The following PITPNM2 variants were observed in gnomAD, a reference collection of about 807,000 sequenced individuals.
PITPNM2 encodes phosphatidylinositol transfer protein membrane associated 2.
In PITPNM2, 35 loss-of-function variants were observed where a neutral mutation model predicts 132.2. The ratio of observed to expected loss-of-function variants is 0.26; its 90% confidence interval spans 0.20 to 0.35. The LOEUF (loss-of-function observed/expected upper bound fraction) is 0.35. PITPNM2 is among the 10% of genes least tolerant of loss of function. The pLI, the probability that PITPNM2 is intolerant of heterozygous loss-of-function variation, is 1.00. For missense variants in PITPNM2, 1,332 were observed against 1,912.0 expected (o/e 0.70, Z 5.66); for synonymous variants, 738 against 799.2 (o/e 0.92, Z 1.29).
intron 3 of PITPNM2, among the ~76,000 whole-genome samples, chr12:123,026,087 T>C (rs941471709): frequency 1.3e-5 from 2 of 152,200 alleles, no homozygotes; most frequent in African/African-American, 2.4e-5. Flanking sequence ...TAAATTCTTA[T>C]TGAACAAATA....
intron 8 of PITPNM2, 91 bp from the exon 9 acceptor site, chr12:123,001,249 C>T: frequency 1.0e-6 from 1 of 954,228 alleles, no homozygotes; most frequent in Non-Finnish European, 1.7e-6. Flanking sequence ...TACGGCTCTG[C>T]TCTGACCGTT....
chr12:123,005,477 T>A lies in PITPNM2; in HGVS notation c.715A>T (p.Met239Leu). 6.2e-7 allele frequency: 1 copy of A among 1,614,022 alleles called. No individual in the cohort carries two copies. The highest frequency in any genetic ancestry group is 8.5e-7 in the Non-Finnish European group (1 of 1,180,008). The stretch of plus-strand genomic sequence containing the variant: ...TTCTCCAGCTCCCGGATGTTCTCCA[T>A]GCTCAGCCCATACCACTCGTCCTGC... ...CWQDEWYGLS[M>L]ENIRELEKEA... The change falls in exon 7 of 26, where the codon ATG (methionine) becomes TTG (leucine). Residue 239 changes from methionine to leucine, a missense_variant. Coordinates refer to ENST00000320201, the MANE Select transcript of PITPNM2 (RefSeq NM_020845.3). The surrounding 1 kb of genome is among the most constrained non-coding windows in gnomAD (Gnocchi z 6.2).
chr12:123,071,195 AG>A (rs1251994402), intron 2 of PITPNM2, among the ~76,000 whole-genome samples: 1 of 152,216 alleles, frequency 6.6e-6, no homozygotes, highest in Non-Finnish European at 1.5e-5. Flanking sequence ...AGAGGGGGAC[AG>A]GCATGCCGGC....
rs563876289 is a variant in PITPNM2 at position 123,125,955 on chromosome 12, C to T, written c.-199-15467G>A. On this transcript the variant is annotated intron_variant, in intron 1 of 25. Transcript: ENST00000320201. ...CGTGATCTCGGCTCACTGCAAGCTC[C>T]GCCTCTCAGGTTCACGCCATTCTCC... 5.6e-5 allele frequency among the ~76,000 whole-genome samples: 8 copies of T among 141,970 alleles called. No homozygotes were observed. The East Asian group carries it at 1.1e-3, about 19-fold the overall frequency. The allele number at this position is 141,970 out of a possible 152,430, so 93.1% of individuals were successfully genotyped here.
rs985632323 is a variant in PITPNM2 at position 122,989,941 on chromosome 12, G to C, written c.2577C>G (p.Pro859=). The C allele has an allele frequency of 4.0e-5, 52 of 1,304,538 alleles. No individual in the cohort carries two copies. Among genetic ancestry groups the C allele is most frequent in the South Asian group, 1.0e-4 (4 of 39,294 alleles). 80.8% of individuals were successfully genotyped at this position (1,304,538 alleles called of 1,614,324 possible). A position where few individuals can be genotyped will look rare whatever the true frequency, so the allele number is the denominator to read the frequency against. Residue 859 remains proline, a synonymous_variant, in exon 18 of 26, where the codon CCC becomes CCG. Coordinates refer to ENST00000320201, the MANE Select transcript of PITPNM2 (RefSeq NM_020845.3). The stretch of plus-strand genomic sequence containing the variant: ...CGCTGGGGGTATGGCTGAGCGCATC[G>C]GGGGCCTCTGAGAAGCAAGAGCAAT... ...YTASSIAQKA[P]DALSHTPSVR... is the part of the protein sequence containing the mutation.
intron 3 of PITPNM2, among the ~76,000 whole-genome samples, chr12:123,015,445 G>A (rs1210320190): frequency 6.6e-6 from 1 of 152,074 alleles, no homozygotes; most frequent in Non-Finnish European, 1.5e-5. Flanking sequence ...CATCCAATGT[G>A]GAAATAATAG....
At chr12:122,990,523 G>C (rs369071498) in intron 17 of PITPNM2, 22 bp downstream of exon 17, 2 of 1,611,558 alleles carry the variant, frequency 1.2e-6, no homozygotes, top group East Asian at 2.2e-5. Context: ...AGTGAGGAGG[G>C]TGAGGGGCCT....
Position 123,023,740 on chromosome 12 carries a change from T to C in PITPNM2, c.79-9698A>G, listed in dbSNP as rs1566253437. Among the ~76,000 whole-genome samples, 1 of 152,150 alleles carries C rather than the reference T, an allele frequency of 6.6e-6. No homozygotes were observed. Among genetic ancestry groups the C allele is most frequent in the African/African-American group, 2.4e-5 (1 of 41,428 alleles). On this transcript the variant is annotated intron_variant, in intron 3 of 25. Coordinates refer to ENST00000320201, the MANE Select transcript of PITPNM2 (RefSeq NM_020845.3). This position sits in a 1 kb window ranked among gnomAD's most constrained non-coding sequence, Gnocchi z 4.8. The stretch of plus-strand genomic sequence containing the variant: ...TGAACTGGCAATCGTTTTGGAGCCA[T>C]GACACCAAAAGCACAAGCAACAAAA...
chr12:122,985,995 C>A lies in PITPNM2; in HGVS notation c.*32G>T. ...CGGGGCTGGCCACCCTGGCCTAGCA[C>A]CATGGAGACCCCGCGCTGCACTCAC... On this transcript the variant is annotated 3_prime_UTR_variant, in exon 26 of 26. Transcript: ENST00000320201. The A allele has an allele frequency of 7.3e-7, 1 of 1,373,316 alleles. No individual in the cohort carries two copies. The highest frequency in any genetic ancestry group is 9.3e-7 in the Non-Finnish European group (1 of 1,071,318). 85.1% of individuals were successfully genotyped at this position (1,373,316 alleles called of 1,614,324 possible). A position where few individuals can be genotyped will look rare whatever the true frequency, so the allele number is the denominator to read the frequency against.
intron 2 of PITPNM2, among the ~76,000 whole-genome samples, chr12:123,043,609 C>T (rs2040562313): frequency 6.6e-6 from 1 of 152,232 alleles, no homozygotes; most frequent in African/African-American, 2.4e-5. Context: ...CCAGATCCCA[C>T]AGCACAGCGG....
rs778229860 is a variant in PITPNM2 at position 122,996,916 on chromosome 12, G to A, written c.1473-6C>T. ...CATGGCTGTAGGGGCTGAGGCTGGG[G>A]AGAGGGGCCAGTCAAGAGAGGGCAG... On this transcript the variant is annotated splice_region_variant and splice_polypyrimidine_tract_variant and intron_variant, in intron 11 of 25. Transcript: ENST00000320201. 3 of 1,565,036 alleles carry A rather than the reference G, an allele frequency of 1.9e-6. No individual in the cohort carries two copies. The highest frequency in any genetic ancestry group is 2.6e-6 in the Non-Finnish European group (3 of 1,163,070).
chr12:123,128,677 C>G (rs2043199959), intron 1 of PITPNM2, among the ~76,000 whole-genome samples: 1 of 149,984 alleles, frequency 6.7e-6, no homozygotes, highest in Non-Finnish European at 1.5e-5. Flanking sequence ...CATTTGAACC[C>G]AGAGACAGAG....
chr12:123,113,718 C>A (rs965573942), intron 1 of PITPNM2, among the ~76,000 whole-genome samples: 3 of 151,858 alleles, frequency 2.0e-5, no homozygotes, highest in Non-Finnish European at 2.9e-5. Context: ...CAAACCCCCC[C>A]ACCCTTTCAA....
At position 122,986,343 on chromosome 12, in the gene PITPNM2, G is replaced by T; in HGVS notation, c.3734C>A (p.Thr1245Lys). The T allele has an allele frequency of 6.3e-7, 1 of 1,582,184 alleles. No individual in the cohort carries two copies. The highest frequency in any genetic ancestry group is 1.8e-5 in the Admixed American group (1 of 55,892). Residue 1245 changes from threonine (T) to lysine (K), a missense_variant, in exon 26 of 26, where the codon ACG (threonine) becomes AAG (lysine). Coordinates refer to ENST00000320201, the MANE Select transcript of PITPNM2 (RefSeq NM_020845.3). ...CGCCAGGTGGGCCGCGTAGCCATCC[G>T]TGATGAACTGCGGGGTCAGTGAGGA... ...KKLQQQCQFI[T>K]DGYAAHLAQL...
At position 123,005,027 on chromosome 12, in the gene PITPNM2, T is replaced by C. The variant is rs1592934588; in HGVS notation, c.952+213A>G. Among the ~76,000 whole-genome samples the C allele has an allele frequency of 6.6e-6, 1 of 151,970 alleles. No individual in the cohort carries two copies. The highest frequency in any genetic ancestry group is 1.9e-4 in the East Asian group (1 of 5,174). Reference sequence around the variant, plus strand: ...CTCCTATGGGTAGCACTGTCTTCCCTGGGCATGGAGGGGAAGTGTTGGGGA... The same window carrying C: ...CTCCTATGGGTAGCACTGTCTTCCCCGGGCATGGAGGGGAAGTGTTGGGGA... On this transcript the variant is annotated intron_variant, in intron 7 of 25. Coordinates refer to ENST00000320201, the MANE Select transcript of PITPNM2 (RefSeq NM_020845.3). This position sits in a 1 kb window ranked among gnomAD's most constrained non-coding sequence, Gnocchi z 6.2.
chr12:123,066,534 C>T (rs1367399668), intron 2 of PITPNM2, among the ~76,000 whole-genome samples: 11 of 152,172 alleles, frequency 7.2e-5, no homozygotes, highest in Admixed American at 7.2e-4. Context: ...GCATGAACCT[C>T]TGAGACAAGC....
At chr12:123,012,131 T>C (rs2039234380) in intron 5 of PITPNM2, among the ~76,000 whole-genome samples, 1 of 152,230 alleles carries the variant, frequency 6.6e-6, no homozygotes, top group African/African-American at 2.4e-5. Context: ...TGCTAACATT[T>C]AGTATTGGGA....
At chr12:123,141,510 C>T (rs548930665) in intron 1 of PITPNM2, among the ~76,000 whole-genome samples, 2 of 152,270 alleles carry the variant, frequency 1.3e-5, no homozygotes, top group East Asian at 1.9e-4. Context: ...AGCTGGGATA[C>T]GCCAGGGATG....
At chr12:123,060,512 T>G (rs1471375300) in intron 2 of PITPNM2, among the ~76,000 whole-genome samples, 1 of 152,228 alleles carries the variant, frequency 6.6e-6, no homozygotes, top group Non-Finnish European at 1.5e-5. Context: ...CAATGCTCAC[T>G]CAGCAGCTCA....
Sources: allele counts gnomAD v4.1 joint callset (sites outside exome capture counted in the v4.1 genomes callset), GRCh38; gene constraint gnomAD v4.1.1; non-coding constraint Gnocchi (gnomAD v3.1); transcripts MANE v1.5; gene names NCBI Gene and HGNC (gene_info 2026-07-23, HGNC 2026-07-21).